The following CREB5 variants were observed in gnomAD, a reference collection of about 807,000 sequenced individuals.
CREB5 encodes the protein cyclic AMP-responsive element-binding protein 5.
A neutral mutation model predicts 57.1 loss-of-function variants in CREB5; 19 were observed. The ratio of observed to expected loss-of-function variants is 0.33; its 90% CI spans 0.23 to 0.49. CREB5 has a LOEUF of 0.49. Ranked by LOEUF, CREB5 falls within the 20% of genes least tolerant of loss-of-function variation. CREB5 has a pLI of 0.99. For missense variants in CREB5, 579 were observed against 671.6 expected (o/e 0.86, Z 1.52); for synonymous variants, 238 against 238.3 (o/e 1.00, Z 0.01).
chr7:28,526,787 G>A (rs925963305), intron 4 of CREB5, among the ~76,000 whole-genome samples: 5 of 152,170 alleles, frequency 3.3e-5, no homozygotes, highest in African/African-American at 1.2e-4. Flanking sequence ...CCTGGGATAG[G>A]GGTCTGTGCA....
intron 7 of CREB5, among the ~76,000 whole-genome samples, chr7:28,730,476 C>G (rs780903614): frequency 6.6e-6 from 1 of 152,070 alleles, no homozygotes; most frequent in Non-Finnish European, 1.5e-5. Context: ...TGAGCCACCA[C>G]GCTTGGCCCA....
intron 3 of CREB5, among the ~76,000 whole-genome samples, chr7:28,503,299 T>A (rs1027676220): frequency 6.6e-6 from 1 of 152,226 alleles, no homozygotes; most frequent in Non-Finnish European, 1.5e-5. Flanking sequence ...TTGATAATCC[T>A]AACAACTTTC....
chr7:28,357,280 G>A, intron 1 of CREB5, among the ~76,000 whole-genome samples: 1 of 152,108 alleles, frequency 6.6e-6, no homozygotes, highest in Admixed American at 6.6e-5. Context: ...AGCTTCCTCT[G>A]GGAATAACTT....
chr7:28,394,048 G>GGGATGGA (rs1787284478), intron 1 of CREB5, among the ~76,000 whole-genome samples: 1 of 118,320 alleles, frequency 8.5e-6, no homozygotes, highest in Non-Finnish European at 1.6e-5. Flanking sequence ...TCTAGCCTGG[G>GGGATGGA]GGATGGAGCA....
In CREB5 at chr7:28,675,102, T is replaced by C. The variant is rs145770372; in HGVS notation, c.465-43651T>C. Among the ~76,000 whole-genome samples the C allele has an allele frequency of 2.0e-5, 3 of 152,352 alleles. No individual in the cohort carries two copies. In the East Asian group the frequency reaches 5.8e-4, roughly 29 times the overall value. The stretch of plus-strand genomic sequence containing the variant: ...CACTAATCAATCCTCAGGTAAAATG[T>C]CATCTCTTTGGAGGGGAGTTGCCTA... On this transcript the variant is annotated intron_variant, in intron 5 of 10. Transcript: ENST00000357727.
intron 4 of CREB5, among the ~76,000 whole-genome samples, chr7:28,569,066 G>A (rs1336007621): frequency 6.6e-6 from 1 of 152,004 alleles, no homozygotes; most frequent in African/African-American, 2.4e-5. Flanking sequence ...CTTCTAGGCT[G>A]AAGAGCTGTA....
In CREB5 at chr7:28,671,074, G is replaced by A. The variant is rs10261530; in HGVS notation, c.465-47679G>A. 4.7e-3 allele frequency among the ~76,000 whole-genome samples: 721 copies of A among 152,012 alleles called. 6 individuals carry two copies. Among genetic ancestry groups the A allele is most frequent in the Non-Finnish European group, 4.8e-3 (326 of 67,978 alleles). On this transcript the variant is annotated intron_variant, in intron 5 of 10. Coordinates refer to ENST00000357727, the MANE Select transcript of CREB5 (RefSeq NM_182898.4). ...AGGCAAGGAGTTCGAGACTAGCCTG[G>A]GAAACATAGCAAGACCCTGTCCCTG...
At chr7:28,426,498 T>A (rs145644588) in intron 1 of CREB5, among the ~76,000 whole-genome samples, 291 of 152,364 alleles carry the variant, frequency 1.9e-3, no homozygotes, top group Non-Finnish European at 3.1e-3. Context: ...CCACTGTGGT[T>A]TGTGTTGAGT....
chr7:28,572,411 A>G (rs1021551943), intron 5 of CREB5, among the ~76,000 whole-genome samples: 11 of 152,212 alleles, frequency 7.2e-5, no homozygotes, highest in Non-Finnish European at 1.5e-4. Context: ...AAGAGGGTGG[A>G]GTAGATTCAT....
At chr7:28,648,064 A>T (rs1329619162) in intron 5 of CREB5, among the ~76,000 whole-genome samples, 1 of 152,220 alleles carries the variant, frequency 6.6e-6, no homozygotes, top group East Asian at 1.9e-4. Flanking sequence ...CATAGCGCAG[A>T]GTTGGAAGGG....
At chr7:28,320,492 C>T (rs1451024113) in intron 1 of CREB5, among the ~76,000 whole-genome samples, 1 of 152,170 alleles carries the variant, frequency 6.6e-6, no homozygotes, top group Non-Finnish European at 1.5e-5. Context: ...TACCAGGCTT[C>T]CCTTCCCCTT....
chr7:28,627,512 G>T (rs1273792220), intron 5 of CREB5, among the ~76,000 whole-genome samples: 2 of 152,170 alleles, frequency 1.3e-5, no homozygotes, highest in Non-Finnish European at 2.9e-5. Context: ...ACACTGGGCT[G>T]AATTAATCTT....
intron 1 of CREB5, among the ~76,000 whole-genome samples, chr7:28,469,416 T>C (rs1421804987): frequency 1.3e-5 from 2 of 152,142 alleles, no homozygotes; most frequent in East Asian, 3.9e-4. Context: ...ATTAAGAGTT[T>C]GCTGGGTAGT....
intron 1 of CREB5, among the ~76,000 whole-genome samples, chr7:28,486,921 C>T (rs984458337): frequency 6.6e-6 from 1 of 151,482 alleles, no homozygotes; most frequent in Non-Finnish European, 1.5e-5. Flanking sequence ...CCTGGCAATA[C>T]AGCAAGACTT....
chr7:28,677,724 T>C (rs752736880), intron 5 of CREB5, among the ~76,000 whole-genome samples: 1 of 152,218 alleles, frequency 6.6e-6, no homozygotes, highest in East Asian at 1.9e-4. Flanking sequence ...AAGAAAGGAA[T>C]TGGCCGAGTG....
rs142371345 is a variant in CREB5 at position 28,611,654 on chromosome 7, C to T, written c.464+41117C>T. Among the ~76,000 whole-genome samples the T allele has an allele frequency of 6.5e-3, 971 of 148,956 alleles. 4 individuals are homozygous for T. The highest frequency in any genetic ancestry group is 6.0e-3 in the African/African-American group (244 of 40,360). Reference sequence around the variant, plus strand: ...TTGCGCCACTGCACTCTAGCCTGTGCGACAGAGACTCTGTCTCCTAAATAA... The same window carrying T: ...TTGCGCCACTGCACTCTAGCCTGTGTGACAGAGACTCTGTCTCCTAAATAA... On this transcript the variant is annotated intron_variant, in intron 5 of 10. Transcript: ENST00000357727.
intron 5 of CREB5, among the ~76,000 whole-genome samples, chr7:28,626,005 A>G (rs1000025296): frequency 6.6e-6 from 1 of 152,196 alleles, no homozygotes; most frequent in Non-Finnish European, 1.5e-5. Context: ...CCTCTGGGAA[A>G]AGTTTACGAT....
intron 1 of CREB5, among the ~76,000 whole-genome samples, chr7:28,407,408 C>G (rs1337587176): frequency 6.6e-6 from 1 of 152,166 alleles, no homozygotes. Flanking sequence ...CTGTAGTTAT[C>G]ATCACCATCC....
intron 1 of CREB5, among the ~76,000 whole-genome samples, chr7:28,395,536 C>T (rs1301950441): frequency 6.6e-6 from 1 of 152,176 alleles, no homozygotes; most frequent in Non-Finnish European, 1.5e-5. Flanking sequence ...TCCCCTACTC[C>T]TTTCTTTTTC....
Sources: allele counts gnomAD v4.1 joint callset (sites outside exome capture counted in the v4.1 genomes callset), GRCh38; gene constraint gnomAD v4.1.1; transcripts MANE v1.5; gene names NCBI Gene and HGNC (gene_info 2026-07-23, HGNC 2026-07-21).